The following C1orf146 variants were observed in gnomAD, a reference collection of about 807,000 sequenced individuals.
C1orf146 encodes the protein chromosome 1 open reading frame 146.
Under a neutral mutation model 23.0 loss-of-function variants are expected in C1orf146, and 22 were observed. The observed-to-expected ratio is 0.96, with a 90% CI of 0.68 to 1.36. C1orf146 has a LOEUF of 1.36. Among genes scored for constraint, C1orf146 ranks in the 40% most tolerant of loss-of-function variants. The pLI, the probability that C1orf146 is intolerant of heterozygous loss-of-function variation, is 0.00. For synonymous variants in C1orf146, 59 were observed against 65.3 expected, an observed-to-expected ratio of 0.90 and a Z score of 0.47; for missense variants, 199 against 206.8, an observed-to-expected ratio of 0.96 and a Z score of 0.23.
At chr1:92,231,605 G>T in intron 2 of C1orf146, 119 bp downstream of exon 2, 1 of 586,496 alleles carries the variant, frequency 1.7e-6, no homozygotes, top group Non-Finnish European at 3.0e-6. Flanking sequence ...TGGGGAGCAG[G>T]AAGTACATAA....
At chr1:92,222,482 G>A (rs1354540217) in intron 1 of C1orf146, among the ~76,000 whole-genome samples, 1 of 142,428 alleles carries the variant, frequency 7.0e-6, no homozygotes, top group Non-Finnish European at 1.5e-5. Flanking sequence ...CATCCCAAAG[G>A]TTTCCTCCTT....
At chr1:92,228,611 G>T (rs577073936) in intron 1 of C1orf146, among the ~76,000 whole-genome samples, 2 of 152,244 alleles carry the variant, frequency 1.3e-5, no homozygotes, top group East Asian at 3.9e-4. Context: ...CCAGCCTCTA[G>T]AGAAATCCCA....
chr1:92,222,573 ATTTCTTT>A (rs1312101783), intron 1 of C1orf146, among the ~76,000 whole-genome samples: 3 of 20,508 alleles, frequency 1.5e-4, no homozygotes, highest in East Asian at 1.3e-3. Flanking sequence ...TATAGTTTGT[ATTTCTTT>A]TTTCTTTTTT....
At position 92,240,065 on chromosome 1, in the gene C1orf146, T is replaced by C. The variant is rs1482584158; in HGVS notation, c.67-2147T>C. Among the ~76,000 whole-genome samples the C allele has an allele frequency of 5.3e-5, 8 of 152,194 alleles. No homozygotes were observed. The East Asian group carries it at 1.5e-3, about 29-fold the overall frequency. ...CCATAATTCAGATGAGGAGACCTGA[T>C]TGGGAAAGGTTGCTCCAGAGAGTGC... On this transcript the variant is annotated intron_variant, in intron 2 of 5. Transcript: ENST00000370375.
At chr1:92,241,940 GTTT>G (rs903220732) in intron 2 of C1orf146, among the ~76,000 whole-genome samples, 2 of 152,160 alleles carry the variant, frequency 1.3e-5, no homozygotes, top group Non-Finnish European at 2.9e-5. Context: ...GGTTTATACA[GTTT>G]TTTAATGCTG....
intron 1 of C1orf146, among the ~76,000 whole-genome samples, chr1:92,231,109 AT>A (rs1269007424): frequency 6.6e-6 from 1 of 152,216 alleles, no homozygotes; most frequent in African/African-American, 2.4e-5. Flanking sequence ...TGCAGGTAGG[AT>A]AAAAACCTCA....
At chr1:92,223,966 T>A (rs1208011251) in intron 1 of C1orf146, among the ~76,000 whole-genome samples, 1 of 151,964 alleles carries the variant, frequency 6.6e-6, no homozygotes, top group African/African-American at 2.4e-5. Flanking sequence ...AACATTTTTA[T>A]AAATGTAGGT....
In C1orf146 at chr1:92,226,245, A is replaced by AT. The variant is rs562986331; in HGVS notation, c.-39-5129dup. On this transcript the variant is annotated intron_variant, in intron 1 of 5. Coordinates refer to ENST00000370375, the MANE Select transcript of C1orf146 (RefSeq NM_001012425.2). ...CCACTTTGATTCCTCTGACTTCTAA[A>AT]TTTTTTTTGTTATTTTCTTAGTACT... 8.6e-5 allele frequency among the ~76,000 whole-genome samples: 13 copies of AT among 151,982 alleles called. No individual in the cohort carries two copies. In the East Asian group the frequency reaches 1.7e-3, roughly 20 times the overall value.
intron 1 of C1orf146, among the ~76,000 whole-genome samples, chr1:92,222,838 G>A (rs986483498): frequency 6.6e-6 from 1 of 151,752 alleles, no homozygotes; most frequent in Non-Finnish European, 1.5e-5. Context: ...CGCCCACCTC[G>A]GCCTCCCAAA....
chr1:92,221,504 G>T (rs1314498946), intron 1 of C1orf146, among the ~76,000 whole-genome samples: 22 of 152,074 alleles, frequency 1.4e-4, no homozygotes, highest in Non-Finnish European at 1.5e-5. Context: ...AATTTAAAAA[G>T]AAATTTTTAC....
chr1:92,221,986 A>T (rs1019836895), intron 1 of C1orf146, among the ~76,000 whole-genome samples: 1 of 152,210 alleles, frequency 6.6e-6, no homozygotes, highest in Non-Finnish European at 1.5e-5. Flanking sequence ...TCACACCTGT[A>T]ATCCCAGCAC....
chr1:92,221,553 T>G (rs1651818548), intron 1 of C1orf146, among the ~76,000 whole-genome samples: 1 of 152,256 alleles, frequency 6.6e-6, no homozygotes, highest in South Asian at 2.1e-4. Context: ...GGTGGTATTT[T>G]TCTAGCTTTA....
intron 2 of C1orf146, among the ~76,000 whole-genome samples, chr1:92,236,011 T>C (rs963679359): frequency 6.6e-6 from 1 of 152,142 alleles, no homozygotes; most frequent in Non-Finnish European, 1.5e-5. Flanking sequence ...TGTCTCTGCA[T>C]GTGAGATGGG....
At chr1:92,228,317 A>G (rs753239428) in intron 1 of C1orf146, among the ~76,000 whole-genome samples, 3 of 152,200 alleles carry the variant, frequency 2.0e-5, no homozygotes, top group Non-Finnish European at 2.9e-5. Context: ...GGATATGACA[A>G]TGCCAGTATT....
chr1:92,237,379 CCT>C (rs1366782035), intron 2 of C1orf146, among the ~76,000 whole-genome samples: 4 of 152,164 alleles, frequency 2.6e-5, no homozygotes, highest in Non-Finnish European at 4.4e-5. Context: ...CACTCCAGAC[CCT>C]GTTTGCCTGT....
chr1:92,235,693 T>C (rs919645569), intron 2 of C1orf146, among the ~76,000 whole-genome samples: 9 of 152,210 alleles, frequency 5.9e-5, no homozygotes, highest in African/African-American at 2.2e-4. Flanking sequence ...TTGATCTGTC[T>C]AATGTTGACA....
chr1:92,224,821 C>T (rs1651926409), intron 1 of C1orf146, among the ~76,000 whole-genome samples: 1 of 152,084 alleles, frequency 6.6e-6, no homozygotes, highest in Non-Finnish European at 1.5e-5. Context: ...CGGCTCACTG[C>T]AACCTCTGCC....
intron 2 of C1orf146, 70 bp from the exon 3 acceptor site, chr1:92,242,142 A>AT (rs1557492017): frequency 2.6e-6 from 2 of 764,788 alleles, no homozygotes; most frequent in Non-Finnish European, 2.0e-6. Context: ...TAAACTTTTA[A>AT]TTTTTTCTTT....
chr1:92,244,536 A>G (rs1246801509), intron 4 of C1orf146, 151 bp downstream of exon 4: 3 of 724,332 alleles, frequency 4.1e-6, no homozygotes, highest in Non-Finnish European at 6.7e-6. Context: ...TAGCTATTCT[A>G]TGAATCGAGG....
Sources: gnomAD v4.1 joint callset for allele counts (sites outside exome capture counted in the v4.1 genomes callset) on GRCh38, gnomAD v4.1.1 for gene constraint, MANE v1.5 for transcripts, NCBI Gene and HGNC (gene_info 2026-07-23, HGNC 2026-07-21) for gene names.